FHL2: variants seen among roughly 807,000 people sequenced by gnomAD.
FHL2 encodes four and a half LIM domains protein 2.
Under a neutral mutation model 32.7 loss-of-function variants are expected in FHL2, and 20 were observed. The observed-to-expected ratio is 0.61, with a 90% CI of 0.43 to 0.89. The LOEUF is 0.89. Ranked by LOEUF, FHL2 falls within the 40% of genes least tolerant of loss-of-function variation. The pLI, the probability that FHL2 is intolerant of heterozygous loss-of-function variation, is 0.00. For missense variants in FHL2, 311 were observed against 358.6 expected (o/e 0.87, Z 1.07); for synonymous variants, 123 against 128.1 (o/e 0.96, Z 0.27).
intron 3 of FHL2, chr2:105,386,086 A>G (rs978204532): frequency 2.2e-6 from 1 of 446,766 alleles, no homozygotes. Context: ...GCAGCTGGGT[A>G]GTTAGATAAG....
intron 1 of FHL2, among the ~76,000 whole-genome samples, chr2:105,432,837 A>G (rs1684479172): frequency 6.6e-6 from 1 of 152,232 alleles, no homozygotes; most frequent in Admixed American, 6.5e-5. Flanking sequence ...TTCCATGTAA[A>G]AAACACGTCC....
chr2:105,386,239 G>GC (rs1682301735), intron 3 of FHL2, 122 bp downstream of exon 3: 1 of 1,120,974 alleles, frequency 8.9e-7, no homozygotes, highest in Admixed American at 2.3e-5. Flanking sequence ...CAGGGTCCAC[G>GC]CCCCTCAGAG....
At chr2:105,392,493 A>G (rs1032522808) in intron 2 of FHL2, among the ~76,000 whole-genome samples, 2 of 152,162 alleles carry the variant, frequency 1.3e-5, no homozygotes, top group East Asian at 3.9e-4. Context: ...CCAAAGAAAA[A>G]AAAGAAAAAG....
At chr2:105,396,625 A>G in intron 2 of FHL2, 22 bp downstream of exon 2, 1 of 1,609,030 alleles carries the variant, frequency 6.2e-7, no homozygotes, top group Non-Finnish European at 8.5e-7. Flanking sequence ...TTAGGATAAC[A>G]GAGGAAATTC....
chr2:105,390,993 A>G (rs56278511), intron 2 of FHL2, among the ~76,000 whole-genome samples: 30,980 of 150,032 alleles, frequency 0.21, 3,288 homozygotes, highest in South Asian at 0.26. Flanking sequence ...GTGTGTGTGT[A>G]TGTGTATTTT....
chr2:105,422,646 CAAAAAA>C (rs10715306), intron 1 of FHL2, among the ~76,000 whole-genome samples: 2 of 113,966 alleles, frequency 1.8e-5, no homozygotes, highest in Admixed American at 8.9e-5. Context: ...TCATCTCTGG[CAAAAAA>C]AAAAAAAAAA....
At chr2:105,381,358 C>G (rs1259014585) in intron 3 of FHL2, among the ~76,000 whole-genome samples, 1 of 152,176 alleles carries the variant, frequency 6.6e-6, no homozygotes. Context: ...CGTTAACTCA[C>G]TCAATTACCC....
At chr2:105,386,589 G>C (rs767625346) in intron 2 of FHL2, 49 bp from the exon 3 acceptor site, 22 of 1,555,284 alleles carry the variant, frequency 1.4e-5, no homozygotes, top group Admixed American at 5.1e-5. Flanking sequence ...CTCTCTGAAA[G>C]GGGTGCACGC....
chr2:105,371,576 CCTT>C (rs1681073253), intron 4 of FHL2, among the ~76,000 whole-genome samples: 1 of 150,776 alleles, frequency 6.6e-6, no homozygotes, highest in South Asian at 2.1e-4. Flanking sequence ...CTCTCTCTCT[CCTT>C]ATGTATGTAT....
intron 6 of FHL2, among the ~76,000 whole-genome samples, chr2:105,361,769 G>A (rs1046517780): frequency 9.9e-5 from 15 of 152,172 alleles, no homozygotes; most frequent in African/African-American, 3.6e-4. Flanking sequence ...TCTTCACTAG[G>A]TGCCTCACGT....
rs191318191 is a variant in FHL2 at position 105,383,138 on chromosome 2, G to A, written c.156+3223C>T. ...TGGCCTCAAGTGTTCCACCTGCCTC[G>A]GCCTCCCAAAGTGCTGGAATTACAG... On this transcript the variant is annotated intron_variant, in intron 3 of 6. Coordinates refer to ENST00000530340, the MANE Select transcript of FHL2 (RefSeq NM_001318895.3). 2.7e-3 allele frequency among the ~76,000 whole-genome samples: 417 copies of A among 152,304 alleles called. 4 individuals are homozygous for A. The highest frequency in any genetic ancestry group is 9.4e-3 in the African/African-American group (389 of 41,576).
intron 1 of FHL2, among the ~76,000 whole-genome samples, chr2:105,417,611 G>A (rs1413765119): frequency 6.6e-6 from 1 of 151,032 alleles, no homozygotes; most frequent in Non-Finnish European, 1.5e-5. Flanking sequence ...TTGAACCTGG[G>A]AGGTGGAGGT....
At chr2:105,375,921 T>C (rs1681441573) in intron 3 of FHL2, 1 of 152,258 alleles carries the variant, frequency 6.6e-6, no homozygotes, top group Admixed American at 6.5e-5. Flanking sequence ...TTATTGGTTA[T>C]TTTGACAAGT....
chr2:105,403,821 A>G (rs140892950), upstream of FHL2, among the ~76,000 whole-genome samples: 77 of 152,366 alleles, frequency 5.1e-4, no homozygotes, highest in African/African-American at 1.8e-3. Flanking sequence ...AGTTGGAAGT[A>G]TTACTTCCTC....
chr2:105,432,239 G>A (rs933615833), intron 1 of FHL2, among the ~76,000 whole-genome samples: 1 of 152,210 alleles, frequency 6.6e-6, no homozygotes, highest in African/African-American at 2.4e-5. Context: ...CCTGCTCATA[G>A]ATTTTTGCAT....
At chr2:105,405,110 G>T (rs1683587355) in intron 1 of FHL2, among the ~76,000 whole-genome samples, 1 of 152,174 alleles carries the variant, frequency 6.6e-6, no homozygotes, top group Non-Finnish European at 1.5e-5. Context: ...AAAAGTATTT[G>T]TAAGGTAGAC....
intron 3 of FHL2, chr2:105,376,095 C>T (rs1681454635): frequency 1.3e-5 from 2 of 152,206 alleles, no homozygotes; most frequent in Admixed American, 6.5e-5. Flanking sequence ...ACATCTGAAA[C>T]ACTAGTGATG....
chr2:105,382,106 C>T (rs915426758), intron 3 of FHL2, among the ~76,000 whole-genome samples: 3 of 152,208 alleles, frequency 2.0e-5, no homozygotes, highest in African/African-American at 7.2e-5. Flanking sequence ...CATTTCTGTC[C>T]ATTACCAAAC....
chr2:105,403,981 A>G (rs901761361), upstream of FHL2, among the ~76,000 whole-genome samples: 2 of 152,180 alleles, frequency 1.3e-5, no homozygotes, highest in African/African-American at 2.4e-5. Flanking sequence ...TGTGCTCGCA[A>G]CTGCCACCCT....
Sources: gnomAD v4.1 joint callset for allele counts (sites outside exome capture counted in the v4.1 genomes callset) on GRCh38, gnomAD v4.1.1 for gene constraint, MANE v1.5 for transcripts, NCBI Gene and HGNC (gene_info 2026-07-23, HGNC 2026-07-21) for gene names.